Variants in LRCH2 observed in about 807,000 individuals in gnomAD.
The protein encoded by LRCH2 is leucine rich repeats and calponin homology domain containing 2.
Under a neutral mutation model 68.9 loss-of-function variants are expected in LRCH2, and 38 were observed. The ratio of observed to expected loss-of-function variants is 0.55; its 90% CI spans 0.43 to 0.72. The LOEUF is 0.72. LRCH2 is among the 30% of genes least tolerant of loss of function. The pLI is 0.00. For missense variants in LRCH2, 528 were observed against 572.9 expected, an observed-to-expected ratio of 0.92 and a Z score of 0.80; for synonymous variants, 191 against 208.1, an observed-to-expected ratio of 0.92 and a Z score of 0.71.
chrX:115,201,801 A>C (rs1238816963), intron 1 of LRCH2, among the ~76,000 whole-genome samples: 8 of 112,106 alleles, frequency 7.1e-5, no homozygotes, highest in African/African-American at 2.6e-4. Context: ...AGATTTGATA[A>C]AGTTTCAGGA....
intron 1 of LRCH2, among the ~76,000 whole-genome samples, chrX:115,213,611 C>T (rs1556570595): frequency 8.9e-6 from 1 of 112,112 alleles, no homozygotes; most frequent in African/African-American, 3.2e-5. Flanking sequence ...GATAGTAACA[C>T]TTCAGTGAAA....
rs782614224 is a variant in LRCH2 at position 115,192,148 on chromosome X, C to T, written c.350-3778G>A. On this transcript the variant is annotated intron_variant, in intron 1 of 20. Transcript: ENST00000317135. ...CGACAGTTTCAGCAACAGCTATGGCCGGAGTGACCATTACGGAAGAGGAGG... is the reference window on the plus strand; with the variant it reads ...CGACAGTTTCAGCAACAGCTATGGCTGGAGTGACCATTACGGAAGAGGAGG... The T allele has an allele frequency of 1.5e-5, 17 of 1,166,251 alleles. No individual in the cohort carries two copies. The South Asian group carries it at 2.1e-4, about 14-fold the overall frequency.
intron 1 of LRCH2, among the ~76,000 whole-genome samples, chrX:115,215,698 T>C (rs1254267199): frequency 2.0e-5 from 2 of 100,270 alleles, no homozygotes; most frequent in South Asian, 4.6e-4. Context: ...GAGACAGAGG[T>C]TGTAGTGAGC....
intron 1 of LRCH2, among the ~76,000 whole-genome samples, chrX:115,205,099 C>T (rs942704017): frequency 2.7e-5 from 3 of 111,435 alleles, no homozygotes; most frequent in African/African-American, 9.8e-5. Context: ...GAAGCAAGCA[C>T]CTTCTTCACA....
chrX:115,126,954 T>C, intron 15 of LRCH2, 61 bp from the exon 16 acceptor site: 1 of 758,866 alleles, frequency 1.3e-6, no homozygotes, highest in Non-Finnish European at 1.8e-6. Flanking sequence ...GATTTAAACA[T>C]ATAAAAGGAA....
At chrX:115,191,601 C>T (rs782711989) in intron 1 of LRCH2, 39 of 1,076,586 alleles carry the variant, frequency 3.6e-5, no homozygotes, top group South Asian at 1.3e-4. Flanking sequence ...ATGCCAACAG[C>T]GGAGGCCGCT....
At chrX:115,122,474 C>A in intron 20 of LRCH2, 53 bp downstream of exon 20, 1 of 1,009,050 alleles carries the variant, frequency 9.9e-7, no homozygotes, top group East Asian at 3.1e-5. Context: ...CCCCAGTTTG[C>A]ATGTAATAAA....
chrX:115,181,472 T>G (rs1287103377), intron 3 of LRCH2, among the ~76,000 whole-genome samples: 2 of 112,584 alleles, frequency 1.8e-5, no homozygotes, highest in Non-Finnish European at 3.8e-5. Flanking sequence ...ATTTGAGAGA[T>G]AGCTGTCATT....
chrX:115,171,111 A>C (rs1257403771), intron 5 of LRCH2, among the ~76,000 whole-genome samples: 1 of 111,960 alleles, frequency 8.9e-6, no homozygotes, highest in Non-Finnish European at 1.9e-5. Flanking sequence ...CAGCTTTATC[A>C]AGGTTAATTA....
At chrX:115,221,410 G>T (rs2073084715) in intron 1 of LRCH2, among the ~76,000 whole-genome samples, 2 of 108,007 alleles carry the variant, frequency 1.9e-5, no homozygotes, top group Non-Finnish European at 3.8e-5. Context: ...ACACCCTGAA[G>T]AACAGGGTAT....
At chrX:115,211,264 T>C (rs922316113) in intron 1 of LRCH2, among the ~76,000 whole-genome samples, 3 of 111,399 alleles carry the variant, frequency 2.7e-5, no homozygotes, top group Non-Finnish European at 5.7e-5. Context: ...AATTGAATCA[T>C]AGGGGCAGGT....
rs1015565250 is a variant in LRCH2, at chrX:115,110,862, T to C, written c.*2354A>G. 2 of 111,854 alleles carry C rather than the reference T, an allele frequency of 1.8e-5. No homozygotes were observed. Among genetic ancestry groups the C allele is most frequent in the Admixed American group, 1.9e-4 (2 of 10,470 alleles). The allele number at this position is 111,854 out of a possible 1,213,427, so 9.2% of individuals were successfully genotyped here. A position where few individuals can be genotyped will look rare whatever the true frequency, so the allele number is the denominator to read the frequency against. On this transcript the variant is annotated 3_prime_UTR_variant, in exon 21 of 21. Transcript: ENST00000317135. ...AACATACCCAATGTCACTTCTTTCT[T>C]GTGCCATACAGTAATAAAATGTAAC...
At chrX:115,184,303 T>A in intron 3 of LRCH2, 108 bp downstream of exon 3, 1 of 622,101 alleles carries the variant, frequency 1.6e-6, no homozygotes, top group Non-Finnish European at 2.3e-6. Flanking sequence ...TATACCAAGT[T>A]AGTACTTTTT....
chrX:115,181,116 AC>A (rs1342138607), intron 3 of LRCH2, among the ~76,000 whole-genome samples: 9 of 111,815 alleles, frequency 8.0e-5, no homozygotes, highest in Admixed American at 6.7e-4. Context: ...GACAGAAGGA[AC>A]AATAAAAGTG....
At chrX:115,121,360 A>C (rs1019517580) in intron 20 of LRCH2, among the ~76,000 whole-genome samples, 2 of 111,890 alleles carry the variant, frequency 1.8e-5, no homozygotes, top group African/African-American at 6.5e-5. Flanking sequence ...AAAATTTAAA[A>C]CATCACATCA....
chrX:115,173,354 C>T (rs188425521), intron 5 of LRCH2, among the ~76,000 whole-genome samples: 1 of 111,208 alleles, frequency 9.0e-6, no homozygotes, highest in Non-Finnish European at 1.9e-5. Context: ...ACAAAGGTCT[C>T]GAGTAAACAC....
chrX:115,178,467 A>T (rs1293155700), intron 5 of LRCH2, among the ~76,000 whole-genome samples: 1 of 112,132 alleles, frequency 8.9e-6, no homozygotes, highest in East Asian at 2.8e-4. Flanking sequence ...GTTCTACTGG[A>T]CAGCACTGCC....
intron 16 of LRCH2, among the ~76,000 whole-genome samples, chrX:115,124,941 A>G (rs781969459): frequency 9.0e-6 from 1 of 111,559 alleles, no homozygotes; most frequent in South Asian, 3.8e-4. Flanking sequence ...AGAATTCTGT[A>G]GATTACCTAA....
At chrX:115,149,331 G>A (rs1475391417) in intron 14 of LRCH2, among the ~76,000 whole-genome samples, 1 of 111,383 alleles carries the variant, frequency 9.0e-6, no homozygotes, top group Admixed American at 9.6e-5. Context: ...TAATTTGGAT[G>A]ATCTGAGCTT....
Sources: allele counts gnomAD v4.1 joint callset (sites outside exome capture counted in the v4.1 genomes callset), GRCh38; gene constraint gnomAD v4.1.1; transcripts MANE v1.5; gene names NCBI Gene and HGNC (gene_info 2026-07-23, HGNC 2026-07-21).